Variants in IKZF3 observed in about 807,000 individuals in gnomAD.
IKZF3 encodes the protein IKAROS family zinc finger 3, also known as zinc finger protein Aiolos.
A neutral mutation model predicts 49.0 loss-of-function variants in IKZF3; 10 were observed. That is an observed-to-expected ratio of 0.20 (90% confidence interval 0.13 to 0.35). The LOEUF is 0.35. Among genes scored for constraint, IKZF3 ranks in the 10% least tolerant of loss-of-function variants. The pLI is 1.00. For synonymous variants in IKZF3, 209 were observed against 228.2 expected, an observed-to-expected ratio of 0.92 and a Z score of 0.76; for missense variants, 498 against 664.8, an observed-to-expected ratio of 0.75 and a Z score of 2.76.
chr17:39,766,277 C>T lies in IKZF3; in HGVS notation c.1043G>A (p.Arg348Gln), dbSNP rs574227572. The change falls in exon 8 of 8, where the codon CGG (arginine) becomes CAG (glutamine). Residue 348 changes from arginine to glutamine, a missense_variant. Arg to Gln is a conservative substitution (Grantham distance 43). Transcript: ENST00000346872. ...ISSMYPIALT[R>Q]AEMSNGAPQE... The stretch of plus-strand genomic sequence containing the variant: ...AGGGGCACCGTTTGACATCTCAGCC[C>T]GGGTGAGGGCTATGGGATACATGCT... 39 of 1,613,992 alleles carry T rather than the reference C, an allele frequency of 2.4e-5. No homozygotes were observed. The highest frequency in any genetic ancestry group is 3.3e-5 in the Admixed American group (2 of 59,992).
At chr17:39,778,853 C>T (rs1336482981) in intron 6 of IKZF3, among the ~76,000 whole-genome samples, 1 of 152,150 alleles carries the variant, frequency 6.6e-6, no homozygotes, top group Admixed American at 6.5e-5. Flanking sequence ...TGAATGTGGG[C>T]CCATCCACAA....
At chr17:39,799,993 T>C (rs577761034) in intron 3 of IKZF3, among the ~76,000 whole-genome samples, 66 of 152,354 alleles carry the variant, frequency 4.3e-4, no homozygotes, top group African/African-American at 1.4e-3. Context: ...CTGATTAACA[T>C]TCTACATTCA....
At chr17:39,849,042 A>G (rs1329239804) in intron 1 of IKZF3, among the ~76,000 whole-genome samples, 1 of 152,188 alleles carries the variant, frequency 6.6e-6, no homozygotes, top group Non-Finnish European at 1.5e-5. Context: ...TGATAAATTA[A>G]TCTTCATTAA....
At chr17:39,784,664 A>G (rs1190959977) in intron 6 of IKZF3, among the ~76,000 whole-genome samples, 1 of 152,168 alleles carries the variant, frequency 6.6e-6, no homozygotes, top group African/African-American at 2.4e-5. Flanking sequence ...GGCCTCCCAA[A>G]GTGTCAGGAT....
chr17:39,839,265 C>A, intron 1 of IKZF3: 2 of 357,418 alleles, frequency 5.6e-6, no homozygotes, highest in South Asian at 3.2e-5. Context: ...CCCAATAAAA[C>A]ATGTTCAACT....
chr17:39,792,415 G>GA (rs1361496911), intron 4 of IKZF3, among the ~76,000 whole-genome samples: 1 of 152,150 alleles, frequency 6.6e-6, no homozygotes, highest in Non-Finnish European at 1.5e-5. Flanking sequence ...AGAAACTGAA[G>GA]AAAAAGTATT....
intron 3 of IKZF3, among the ~76,000 whole-genome samples, chr17:39,824,424 T>C (rs1423087347): frequency 6.6e-6 from 1 of 152,110 alleles, no homozygotes; most frequent in Non-Finnish European, 1.5e-5. Flanking sequence ...TGGGTTGATG[T>C]TGGAATGAGT....
chr17:39,775,814 C>T (rs901201688), intron 7 of IKZF3, among the ~76,000 whole-genome samples: 4 of 151,852 alleles, frequency 2.6e-5, no homozygotes, highest in African/African-American at 4.8e-5. Flanking sequence ...ATCCCAGCTA[C>T]TCAGGAGGCT....
At chr17:39,860,041 G>T (rs944441185) in intron 1 of IKZF3, among the ~76,000 whole-genome samples, 1 of 152,102 alleles carries the variant, frequency 6.6e-6, no homozygotes, top group African/African-American at 2.4e-5. Flanking sequence ...AGACCAACCT[G>T]ACCAACATAG....
At chr17:39,792,998 C>T (rs2061067905) in intron 3 of IKZF3, 65 bp from the exon 4 acceptor site, 1 of 1,492,732 alleles carries the variant, frequency 6.7e-7, no homozygotes, top group Admixed American at 1.8e-5. Context: ...GCAGCTCAAA[C>T]AGCAGAGACC....
At chr17:39,773,502 A>C (rs536974461) in intron 7 of IKZF3, among the ~76,000 whole-genome samples, 7 of 152,260 alleles carry the variant, frequency 4.6e-5, no homozygotes, top group Non-Finnish European at 8.8e-5. Context: ...GGGAGATCCG[A>C]TGGTTTGTTG....
intron 3 of IKZF3, among the ~76,000 whole-genome samples, chr17:39,823,216 C>T (rs1406295088): frequency 6.6e-6 from 1 of 152,086 alleles, no homozygotes; most frequent in Non-Finnish European, 1.5e-5. Context: ...TGAGGAACTG[C>T]TTGGGAACTG....
At chr17:39,828,835 T>TA (rs908258753) in intron 3 of IKZF3, among the ~76,000 whole-genome samples, 1 of 151,500 alleles carries the variant, frequency 6.6e-6, no homozygotes, top group East Asian at 1.9e-4. Context: ...CCGTCTCTAT[T>TA]AAAAAAAATA....
At chr17:39,837,792 CCAT>C (rs1224646103) in intron 1 of IKZF3, among the ~76,000 whole-genome samples, 1 of 152,022 alleles carries the variant, frequency 6.6e-6, no homozygotes, top group Non-Finnish European at 1.5e-5. Context: ...GCGCCCACCA[CCAT>C]GCCTGGCTAA....
chr17:39,835,061 G>A, intron 1 of IKZF3: 1 of 415,316 alleles, frequency 2.4e-6, no homozygotes, highest in East Asian at 6.7e-5. Flanking sequence ...CACAGCCAAA[G>A]GAGCTGGAGC....
chr17:39,855,910 TAA>T, intron 1 of IKZF3, among the ~76,000 whole-genome samples: 1 of 152,098 alleles, frequency 6.6e-6, no homozygotes, highest in East Asian at 1.9e-4. Context: ...TATAAGTATT[TAA>T]GATTTATAAT....
At chr17:39,840,101 T>A (rs2062421838) in intron 1 of IKZF3, among the ~76,000 whole-genome samples, 1 of 152,172 alleles carries the variant, frequency 6.6e-6, no homozygotes, top group Non-Finnish European at 1.5e-5. Context: ...CACAGAACTT[T>A]CAGAGTCCCA....
intron 3 of IKZF3, among the ~76,000 whole-genome samples, chr17:39,808,773 C>T (rs1598074672): frequency 6.6e-6 from 1 of 152,150 alleles, no homozygotes; most frequent in South Asian, 2.1e-4. Flanking sequence ...AGGACTAGAA[C>T]CGGAAAATCA....
At chr17:39,766,728 C>T (rs2143576705) in intron 7 of IKZF3, among the ~76,000 whole-genome samples, 1 of 152,154 alleles carries the variant, frequency 6.6e-6, no homozygotes. Context: ...AGATGTGGTT[C>T]AGTTGAGGCC....
Sources: gnomAD v4.1 joint callset for allele counts (sites outside exome capture counted in the v4.1 genomes callset) on GRCh38, gnomAD v4.1.1 for gene constraint, MANE v1.5 for transcripts, NCBI Gene and HGNC (gene_info 2026-07-23, HGNC 2026-07-21) for gene names.